RUNX1: variants seen among roughly 807,000 people sequenced by gnomAD.
RUNX1 encodes the protein runt-related transcription factor 1.
RUNX1 carries 19 observed loss-of-function variants against 42.8 expected under a neutral mutation model. The ratio of observed to expected loss-of-function variants is 0.44; its 90% CI spans 0.31 to 0.65. RUNX1 has a LOEUF of 0.65. RUNX1 is among the 30% of genes least tolerant of loss of function. RUNX1 has a pLI of 0.07. For missense variants in RUNX1, 528 were observed against 672.0 expected (o/e 0.79, Z 2.37); for synonymous variants, 271 against 289.4 (o/e 0.94, Z 0.64).
In RUNX1 at chr21:35,049,207, G is replaced by A. The variant is rs1003295125; in HGVS notation, c.-99C>T. ...CTGTGGTTTGCATTCAGTGTGATTCGTCCTGCCTGCTGACCACTATGCTGG... is the reference window on the plus strand; with the variant it reads ...CTGTGGTTTGCATTCAGTGTGATTCATCCTGCCTGCTGACCACTATGCTGG... On this transcript the variant is annotated 5_prime_UTR_variant, in exon 1 of 9. In the 5' UTR this introduces an upstream ATG that the reference lacks. Transcript: ENST00000675419. 2 of 403,364 alleles carry A rather than the reference G, an allele frequency of 5.0e-6. No individual in the cohort carries two copies. Among genetic ancestry groups the A allele is most frequent in the South Asian group, 2.5e-5 (1 of 40,186 alleles). 25.0% of individuals were successfully genotyped at this position (403,364 alleles called of 1,614,324 possible).
intron 7 of RUNX1, among the ~76,000 whole-genome samples, chr21:34,813,802 G>A (rs1196832884): frequency 1.3e-5 from 2 of 151,964 alleles, no homozygotes; most frequent in Non-Finnish European, 2.9e-5. Context: ...CTTATGGAAT[G>A]ATAGAGCAGA....
At chr21:34,948,608 C>T (rs1569119603) in intron 2 of RUNX1, among the ~76,000 whole-genome samples, 1 of 152,152 alleles carries the variant, frequency 6.6e-6, no homozygotes, top group Non-Finnish European at 1.5e-5. Context: ...ATGGTCTACC[C>T]TTCCCTAATT....
intron 2 of RUNX1, among the ~76,000 whole-genome samples, chr21:34,912,351 G>A (rs1026444778): frequency 3.3e-5 from 5 of 151,684 alleles, no homozygotes; most frequent in African/African-American, 7.3e-5. Flanking sequence ...TCCATCACCC[G>A]TCCTCTCTGT....
At chr21:34,818,142 T>C (rs1482103472) in intron 7 of RUNX1, among the ~76,000 whole-genome samples, 1 of 152,080 alleles carries the variant, frequency 6.6e-6, no homozygotes, top group Non-Finnish European at 1.5e-5. Context: ...TGCAAAGAGC[T>C]CAAGTTTCAG....
At chr21:34,888,704 G>A (rs1412062359) in intron 3 of RUNX1, 13 of 1,034,526 alleles carry the variant, frequency 1.3e-5, no homozygotes, top group East Asian at 1.2e-4. Context: ...GAGAGTGCCT[G>A]GAAATGAACG....
At chr21:35,038,989 T>C (rs1385332134) in intron 2 of RUNX1, among the ~76,000 whole-genome samples, 1 of 152,192 alleles carries the variant, frequency 6.6e-6, no homozygotes, top group Non-Finnish European at 1.5e-5. Context: ...AAGGTGGTGC[T>C]GGATTTTGGG....
At chr21:35,020,950 C>T (rs189105333) in intron 2 of RUNX1, among the ~76,000 whole-genome samples, 97 of 152,298 alleles carry the variant, frequency 6.4e-4, no homozygotes, top group African/African-American at 2.3e-3. Flanking sequence ...GAATCTGGGG[C>T]TTCCCATCAT....
At chr21:35,032,099 A>G (rs144387501) in intron 2 of RUNX1, among the ~76,000 whole-genome samples, 2 of 152,358 alleles carry the variant, frequency 1.3e-5, no homozygotes, top group African/African-American at 4.8e-5. Flanking sequence ...CAGGAGCACC[A>G]GCTCCTACAG....
chr21:34,819,743 G>C lies in RUNX1; in HGVS notation c.805+14667C>G, dbSNP rs536244465. 1.5e-4 allele frequency among the ~76,000 whole-genome samples: 23 copies of C among 152,328 alleles called. 1 individual carries two copies. In the South Asian group the frequency reaches 4.8e-3, roughly 32 times the overall value. On this transcript the variant is annotated intron_variant, in intron 7 of 8. Transcript: ENST00000675419. The stretch of plus-strand genomic sequence containing the variant: ...GTGGCATCCTGAACCGGGATGACAG[G>C]ACCATCAGTCAGCACCAGCCTCCCG...
intron 4 of RUNX1, among the ~76,000 whole-genome samples, chr21:34,882,696 T>C (rs1045493996): frequency 3.9e-4 from 59 of 152,268 alleles, no homozygotes; most frequent in Middle Eastern, 3.4e-3. Context: ...TACTGTTTTT[T>C]TTTTTTTTCT....
intron 2 of RUNX1, among the ~76,000 whole-genome samples, chr21:35,024,201 C>T (rs1455517493): frequency 6.6e-6 from 1 of 152,040 alleles, no homozygotes; most frequent in Non-Finnish European, 1.5e-5. Context: ...AGATCTTCCC[C>T]TTCCATATTC....
At chr21:34,890,206 C>G (rs2058064031) in intron 3 of RUNX1, among the ~76,000 whole-genome samples, 1 of 152,006 alleles carries the variant, frequency 6.6e-6, no homozygotes. Context: ...CTGGCGGACG[C>G]CAGGGGGCAG....
At chr21:34,971,354 G>T (rs1009927414) in intron 2 of RUNX1, among the ~76,000 whole-genome samples, 1 of 152,072 alleles carries the variant, frequency 6.6e-6, no homozygotes, top group African/African-American at 2.4e-5. Context: ...GGAGAATCCT[G>T]GGAAAGGCCA....
chr21:34,943,734 A>G (rs2058544825), intron 2 of RUNX1, among the ~76,000 whole-genome samples: 2 of 152,184 alleles, frequency 1.3e-5, no homozygotes, highest in Admixed American at 1.3e-4. Flanking sequence ...AGTAAAAATT[A>G]CCTGATTATT....
intron 2 of RUNX1, among the ~76,000 whole-genome samples, chr21:35,020,369 G>A (rs2059189697): frequency 6.6e-6 from 1 of 152,154 alleles, no homozygotes; most frequent in Admixed American, 6.5e-5. Flanking sequence ...GTGCTTCTGT[G>A]TTTGGGTTTG....
At chr21:35,041,904 G>T (rs1348669961) in intron 2 of RUNX1, among the ~76,000 whole-genome samples, 8 of 151,800 alleles carry the variant, frequency 5.3e-5, no homozygotes, top group Non-Finnish European at 8.8e-5. Flanking sequence ...TTGAAAGAAG[G>T]TTTCCCTCTT....
intron 2 of RUNX1, among the ~76,000 whole-genome samples, chr21:34,943,794 A>G (rs953610089): frequency 6.6e-6 from 1 of 152,176 alleles, no homozygotes; most frequent in Admixed American, 6.5e-5. Context: ...AACCCTCGCA[A>G]ATCCTCCTAC....
chr21:34,942,479 C>T (rs558574859), intron 2 of RUNX1, among the ~76,000 whole-genome samples: 1 of 152,296 alleles, frequency 6.6e-6, no homozygotes, highest in Non-Finnish European at 1.5e-5. Context: ...CCTTTCTTCC[C>T]TCTGCTCTGA....
In RUNX1 at chr21:34,880,601, A is replaced by G. The variant is rs750866158; in HGVS notation, c.464T>C (p.Val155Ala). The change falls in exon 5 of 9, where the codon GTT (valine) becomes GCT (alanine). Residue 155 changes from valine (V) to alanine (A), a missense_variant. Val to Ala is a moderately conservative substitution (Grantham distance 64, BLOSUM62 0). Coordinates refer to ENST00000675419, the MANE Select transcript of RUNX1 (RefSeq NM_001754.5). ...RNATAAMKNQ[V>A]ARFNDLRFVG... The stretch of plus-strand genomic sequence containing the variant: ...AAACCTGAGGTCATTAAATCTTGCA[A>G]CCTGGTTCTTCATGGCTGCGGTAGC... 1.9e-6 allele frequency: 3 copies of G among 1,613,962 alleles called. No individual in the cohort carries two copies. The highest frequency in any genetic ancestry group is 1.7e-5 in the Admixed American group (1 of 59,988).
Sources: allele counts gnomAD v4.1 joint callset (sites outside exome capture counted in the v4.1 genomes callset), GRCh38; gene constraint gnomAD v4.1.1; transcripts MANE v1.5; gene names NCBI Gene and HGNC (gene_info 2026-07-23, HGNC 2026-07-21).